NALF1: variants seen among roughly 807,000 people sequenced by gnomAD.
The protein encoded by NALF1 is NALCN channel auxiliary factor 1, also known as family with sequence similarity 155 member A.
In NALF1, 3 loss-of-function variants were observed where a neutral mutation model predicts 48.4. The ratio of observed to expected loss-of-function variants is 0.06; its 90% CI spans 0.03 to 0.16. NALF1 has a LOEUF of 0.16. Among genes scored for constraint, NALF1 ranks in the 10% least tolerant of loss-of-function variants. NALF1 has a pLI of 1.00. For missense variants in NALF1, 526 were observed against 571.5 expected, an observed-to-expected ratio of 0.92 and a Z score of 0.81; for synonymous variants, 262 against 245.7, an observed-to-expected ratio of 1.07 and a Z score of -0.62.
intron 1 of NALF1, among the ~76,000 whole-genome samples, chr13:107,294,384 T>C (rs191033151): frequency 1.9e-4 from 29 of 152,320 alleles, no homozygotes; most frequent in Admixed American, 1.5e-3. Flanking sequence ...CGGTCACATA[T>C]TTACTAAACT....
chr13:107,177,202 G>A (rs1249045145), intron 2 of NALF1, among the ~76,000 whole-genome samples: 13 of 151,764 alleles, frequency 8.6e-5, no homozygotes, highest in Admixed American at 8.5e-4. Context: ...ATGCAACATT[G>A]ATGAAAGAAA....
intron 1 of NALF1, among the ~76,000 whole-genome samples, chr13:107,377,831 T>C (rs1388942376): frequency 6.6e-6 from 1 of 152,176 alleles, no homozygotes; most frequent in Non-Finnish European, 1.5e-5. Context: ...TAGCAGTTTG[T>C]ACTACATTTT....
intron 1 of NALF1, among the ~76,000 whole-genome samples, chr13:107,826,511 G>C (rs781364287): frequency 6.6e-6 from 1 of 152,212 alleles, no homozygotes; most frequent in African/African-American, 2.4e-5. Context: ...AGAGGAAGAC[G>C]CCAACGGGGC....
chr13:107,867,136 C>CCTCCTCCTCTTCTT lies in NALF1; in HGVS notation c.-554_-541dup, dbSNP rs922358652. ...CCGGAGCGCCTCCCCTCCTCCTCCTCCTCCTCCTCTTCTTCTCCTCCTCTT... is the reference window on the plus strand; with the variant it reads ...CCGGAGCGCCTCCCCTCCTCCTCCTCCTCCTCCTCTTCTTCTCCTCCTCTTCTTCTCCTCCTCTT... On this transcript the variant is annotated 5_prime_UTR_variant, in exon 1 of 3. Coordinates refer to ENST00000375915, the MANE Select transcript of NALF1 (RefSeq NM_001080396.3). This position sits in a 1 kb window ranked among gnomAD's most constrained non-coding sequence, Gnocchi z 4.4. Among the ~76,000 whole-genome samples, 2 of 151,828 alleles carry CCTCCTCCTCTTCTT rather than the reference C, an allele frequency of 1.3e-5. No homozygotes were observed. The highest frequency in any genetic ancestry group is 2.9e-5 in the Non-Finnish European group (2 of 67,890).
intron 1 of NALF1, among the ~76,000 whole-genome samples, chr13:107,220,725 C>T (rs543571308): frequency 1.2e-4 from 18 of 152,198 alleles, no homozygotes; most frequent in African/African-American, 3.9e-4. Flanking sequence ...TGAATGCTCC[C>T]GTCAGTGCAC....
chr13:107,212,266 T>C (rs1167784203), intron 1 of NALF1, among the ~76,000 whole-genome samples: 1 of 152,228 alleles, frequency 6.6e-6, no homozygotes, highest in Non-Finnish European at 1.5e-5. Context: ...CACTTTTAAA[T>C]GGCCAAAAGT....
chr13:107,630,833 A>G (rs1007347246), intron 1 of NALF1, among the ~76,000 whole-genome samples: 120 of 152,266 alleles, frequency 7.9e-4, no homozygotes, highest in African/African-American at 2.8e-3. Context: ...AGAAACGTTG[A>G]GGATTTATGC....
chr13:107,543,351 G>C (rs1454986081), intron 1 of NALF1, among the ~76,000 whole-genome samples: 1 of 151,762 alleles, frequency 6.6e-6, no homozygotes, highest in Non-Finnish European at 1.5e-5. Context: ...AAAACCACAT[G>C]TCATGAATTC....
chr13:107,225,973 AC>A (rs1254918422), intron 1 of NALF1, among the ~76,000 whole-genome samples: 1 of 152,062 alleles, frequency 6.6e-6, no homozygotes, highest in African/African-American at 2.4e-5. Context: ...AAACAAACAA[AC>A]AAAAACTTTC....
intron 1 of NALF1, among the ~76,000 whole-genome samples, chr13:107,790,692 C>T (rs1442415180): frequency 6.6e-6 from 1 of 152,170 alleles, no homozygotes; most frequent in African/African-American, 2.4e-5. Context: ...GCAGCTGTTT[C>T]ACCATGTTCA....
intron 1 of NALF1, among the ~76,000 whole-genome samples, chr13:107,746,738 A>T (rs1418386580): frequency 2.6e-5 from 4 of 152,200 alleles, no homozygotes; most frequent in African/African-American, 9.6e-5. Flanking sequence ...AGCTGACTAT[A>T]AATCAGTGCA....
chr13:107,448,692 T>A (rs1884690816), intron 1 of NALF1, among the ~76,000 whole-genome samples: 1 of 152,158 alleles, frequency 6.6e-6, no homozygotes, highest in African/African-American at 2.4e-5. Flanking sequence ...TGACAAAGCA[T>A]TTAGTACTAC....
chr13:107,386,379 T>A (rs1354654625), intron 1 of NALF1, among the ~76,000 whole-genome samples: 1 of 152,184 alleles, frequency 6.6e-6, no homozygotes, highest in East Asian at 1.9e-4. Flanking sequence ...TCTCCTTAAG[T>A]GAACATGCAA....
intron 1 of NALF1, among the ~76,000 whole-genome samples, chr13:107,241,421 T>C (rs1299997046): frequency 6.6e-6 from 1 of 152,182 alleles, no homozygotes; most frequent in East Asian, 1.9e-4. Context: ...AAGCTGCTAA[T>C]AATTCTCTGC....
At chr13:107,798,854 A>G (rs1341773784) in intron 1 of NALF1, among the ~76,000 whole-genome samples, 1 of 152,232 alleles carries the variant, frequency 6.6e-6, no homozygotes, top group Non-Finnish European at 1.5e-5. Context: ...CAAATATTGT[A>G]GAACAAAACG....
intron 2 of NALF1, among the ~76,000 whole-genome samples, chr13:107,176,316 G>GAGTT (rs777760773): frequency 0.018 from 2,191 of 123,532 alleles, 95 homozygotes; most frequent in African/African-American, 0.066. Context: ...CAACCTCACA[G>GAGTT]TTTTTTTTTT....
chr13:107,756,890 C>T (rs1037928343), intron 1 of NALF1, among the ~76,000 whole-genome samples: 15 of 152,120 alleles, frequency 9.9e-5, no homozygotes, highest in African/African-American at 3.4e-4. Context: ...GTTGTAATGA[C>T]ATTAGATACA....
At chr13:107,518,539 G>A (rs141658207) in intron 1 of NALF1, among the ~76,000 whole-genome samples, 1,933 of 152,144 alleles carry the variant, frequency 0.013, 23 homozygotes, top group Middle Eastern at 0.037. Context: ...TATTGGTTGT[G>A]TTATGTGTCA....
chr13:107,570,512 C>G (rs974936811), intron 1 of NALF1, among the ~76,000 whole-genome samples: 7 of 151,256 alleles, frequency 4.6e-5, no homozygotes, highest in Admixed American at 2.6e-4. Context: ...ATTGAACCAG[C>G]CTAGTATTCC....
Sources: gnomAD v4.1 joint callset for allele counts (sites outside exome capture counted in the v4.1 genomes callset) on GRCh38, gnomAD v4.1.1 for gene constraint, Gnocchi (gnomAD v3.1) non-coding constraint, MANE v1.5 for transcripts, NCBI Gene and HGNC (gene_info 2026-07-23, HGNC 2026-07-21) for gene names.